The following STK38L variants were observed in gnomAD, a reference collection of about 807,000 sequenced individuals.
The protein encoded by STK38L is serine/threonine-protein kinase 38-like.
A neutral mutation model predicts 59.7 loss-of-function variants in STK38L; 28 were observed. That is an observed-to-expected ratio of 0.47 (90% CI 0.35 to 0.64). The LOEUF is 0.64. Among genes scored for constraint, STK38L ranks in the 30% least tolerant of loss-of-function variants. The probability of loss-of-function intolerance (pLI) is 0.01; values close to 1 mark genes in which losing one functional copy is unlikely to be tolerated. For synonymous variants in STK38L, 162 were observed against 176.8 expected (o/e 0.92, Z 0.66); for missense variants, 314 against 555.8 (o/e 0.56, Z 4.37).
chr12:27,264,718 G>A (rs920646899), intron 1 of STK38L, among the ~76,000 whole-genome samples: 3 of 152,216 alleles, frequency 2.0e-5, no homozygotes, highest in Non-Finnish European at 4.4e-5. Flanking sequence ...AGGAGGATGT[G>A]TGTAGGTTAT....
chr12:27,317,112 A>C (rs898956611), intron 9 of STK38L, among the ~76,000 whole-genome samples: 1 of 152,242 alleles, frequency 6.6e-6, no homozygotes, highest in Non-Finnish European at 1.5e-5. Flanking sequence ...AGGAAAACTA[A>C]TTCAGCATTC....
In STK38L at chr12:27,322,361, A is replaced by G; in HGVS notation, c.1301A>G (p.Lys434Arg). The G allele has an allele frequency of 6.2e-7, 1 of 1,614,026 alleles. No homozygotes were observed. The highest frequency in any genetic ancestry group is 8.5e-7 in the Non-Finnish European group (1 of 1,179,932). Residue 434 changes from lysine (K) to arginine (R), a missense_variant, in exon 14 of 14, where the codon AAA becomes AGA. Transcript: ENST00000389032. ...PNTTEPDYKS[K>R]DWVFLNYTYK... ...ACCACAGAACCGGACTACAAATCCAAAGACTGGGTTTTTCTCAATTATACC... is the reference window on the plus strand; with the variant it reads ...ACCACAGAACCGGACTACAAATCCAGAGACTGGGTTTTTCTCAATTATACC...
chr12:27,258,416 C>T (rs1261406909), intron 1 of STK38L, among the ~76,000 whole-genome samples: 2 of 152,138 alleles, frequency 1.3e-5, no homozygotes, highest in African/African-American at 4.8e-5. Flanking sequence ...CTAACTGCCA[C>T]CTCCTGGGTT....
intron 1 of STK38L, among the ~76,000 whole-genome samples, chr12:27,253,881 G>C (rs1307415537): frequency 6.6e-6 from 1 of 152,182 alleles, no homozygotes; most frequent in Non-Finnish European, 1.5e-5. Context: ...TGTTTATCCA[G>C]CTTTAGCACT....
chr12:27,297,029 G>C (rs1944041913), intron 1 of STK38L: 1 of 152,108 alleles, frequency 6.6e-6, no homozygotes, highest in Admixed American at 6.5e-5. Context: ...GGTTCCTATA[G>C]GCATCTGAAT....
At chr12:27,317,662 A>C in intron 10 of STK38L, 3 of 711,722 alleles carry the variant, frequency 4.2e-6, no homozygotes, top group Non-Finnish European at 6.8e-6. Flanking sequence ...CCAAACTCCC[A>C]CGTATAAAAG....
chr12:27,260,832 G>A (rs11836717), intron 1 of STK38L, among the ~76,000 whole-genome samples: 2,324 of 152,016 alleles, frequency 0.015, 66 homozygotes, highest in African/African-American at 0.053. Context: ...ATTTTTATAC[G>A]GTGCCAGGAA....
chr12:27,285,008 CAA>C (rs1440798391), intron 1 of STK38L, among the ~76,000 whole-genome samples: 5 of 151,942 alleles, frequency 3.3e-5, no homozygotes, highest in Non-Finnish European at 7.4e-5. Context: ...TTGTGATGGT[CAA>C]AAAAGTCTCT....
intron 1 of STK38L, among the ~76,000 whole-genome samples, chr12:27,245,458 C>T (rs1450565440): frequency 6.6e-6 from 1 of 152,140 alleles, no homozygotes; most frequent in Admixed American, 6.5e-5. Context: ...TGACCGGTCT[C>T]TCTACTTTAA....
rs60309554 is a variant in STK38L at position 27,308,095 on chromosome 12, CAT to C, written c.187-230_187-229del. Among the ~76,000 whole-genome samples, 11 of 150,012 alleles carry C rather than the reference CAT, an allele frequency of 7.3e-5. No homozygotes were observed. The highest frequency in any genetic ancestry group is 1.7e-4 in the African/African-American group (7 of 40,972). Reference sequence around the variant, plus strand: ...CATATAGATGAAAGAATAAGTTATACATATATATATATATAGACAAATATGAT... The same window carrying C: ...CATATAGATGAAAGAATAAGTTATACATATATATATATAGACAAATATGAT... On this transcript the variant is annotated intron_variant, in intron 3 of 13. Transcript: ENST00000389032. The surrounding 1 kb of genome is among the most constrained non-coding windows in gnomAD (Gnocchi z 4.5).
At chr12:27,304,335 C>T (rs1036729160) in intron 3 of STK38L, among the ~76,000 whole-genome samples, 6 of 149,792 alleles carry the variant, frequency 4.0e-5, no homozygotes, top group Non-Finnish European at 8.9e-5. Context: ...GAAATCAAAT[C>T]AGTATCTAAT....
At chr12:27,250,474 T>C (rs1942947777) in intron 1 of STK38L, among the ~76,000 whole-genome samples, 2 of 152,216 alleles carry the variant, frequency 1.3e-5, no homozygotes, top group Admixed American at 6.5e-5. Flanking sequence ...TTTTTCTTTC[T>C]GAATGTCACC....
intron 1 of STK38L, among the ~76,000 whole-genome samples, chr12:27,258,856 G>A (rs1205638884): frequency 6.6e-6 from 1 of 152,102 alleles, no homozygotes; most frequent in Non-Finnish European, 1.5e-5. Context: ...CTTTTATCCA[G>A]ATCATTGGTA....
intron 12 of STK38L, among the ~76,000 whole-genome samples, chr12:27,320,780 ATTT>A (rs71437393): frequency 2.3e-5 from 3 of 130,032 alleles, no homozygotes; most frequent in Admixed American, 1.6e-4. Context: ...GCAGCTAGTA[ATTT>A]TTTTTTTTTT....
intron 1 of STK38L, among the ~76,000 whole-genome samples, chr12:27,265,671 G>A (rs1358967305): frequency 6.6e-6 from 1 of 152,160 alleles, no homozygotes; most frequent in East Asian, 1.9e-4. Flanking sequence ...CTGATTGCCT[G>A]TGTATCCAGG....
intron 1 of STK38L, among the ~76,000 whole-genome samples, chr12:27,291,102 T>C (rs1449428063): frequency 6.6e-6 from 1 of 152,210 alleles, no homozygotes; most frequent in East Asian, 1.9e-4. Context: ...TGTAATATTC[T>C]TAGAAGAATT....
chr12:27,253,007 G>T (rs1263015830), intron 1 of STK38L, among the ~76,000 whole-genome samples: 1 of 152,180 alleles, frequency 6.6e-6, no homozygotes, highest in Non-Finnish European at 1.5e-5. Flanking sequence ...GAGTAACAGG[G>T]TACTGTGGGA....
intron 1 of STK38L, among the ~76,000 whole-genome samples, chr12:27,275,601 A>G (rs1424041211): frequency 6.6e-6 from 1 of 151,438 alleles, no homozygotes; most frequent in Non-Finnish European, 1.5e-5. Flanking sequence ...GGCCTCCCAA[A>G]CTGTTGGGAT....
At chr12:27,277,490 C>T (rs994847254) in intron 1 of STK38L, among the ~76,000 whole-genome samples, 2 of 152,012 alleles carry the variant, frequency 1.3e-5, no homozygotes, top group Non-Finnish European at 2.9e-5. Context: ...TTAGTGAAAC[C>T]GCCTTAAAAC....
Sources: gnomAD v4.1 joint callset for allele counts (sites outside exome capture counted in the v4.1 genomes callset) on GRCh38, gnomAD v4.1.1 for gene constraint, Gnocchi (gnomAD v3.1) non-coding constraint, MANE v1.5 for transcripts, NCBI Gene and HGNC (gene_info 2026-07-23, HGNC 2026-07-21) for gene names.